The following SPAG16 variants were observed in gnomAD, a reference collection of about 807,000 sequenced individuals.
The protein encoded by SPAG16 is sperm-associated antigen 16 protein.
Under a neutral mutation model 80.4 loss-of-function variants are expected in SPAG16, and 86 were observed. The observed-to-expected ratio is 1.07, with a 90% CI of 0.90 to 1.28. The LOEUF (loss-of-function observed/expected upper bound fraction) is 1.28, where lower values mean the gene tolerates loss of function less well. Among genes scored for constraint, SPAG16 ranks in the 50% most tolerant of loss-of-function variants. The pLI, the probability that SPAG16 is intolerant of heterozygous loss-of-function variation, is 0.00. For missense variants in SPAG16, 870 were observed against 765.3 expected (o/e 1.14, Z -1.61); for synonymous variants, 294 against 265.9 (o/e 1.11, Z -1.03).
chr2:213,395,319 T>C (rs941485791), intron 9 of SPAG16, among the ~76,000 whole-genome samples: 1 of 152,228 alleles, frequency 6.6e-6, no homozygotes, highest in Non-Finnish European at 1.5e-5. Context: ...ACTTAAATTA[T>C]TGATTTGACT....
intron 11 of SPAG16, among the ~76,000 whole-genome samples, chr2:213,869,264 A>ATAT (rs1553648743): frequency 0.025 from 1,605 of 63,570 alleles, 42 homozygotes; most frequent in African/African-American, 0.041. Context: ...AAAAAAAAAA[A>ATAT]ATATATATAT....
At position 214,410,135 on chromosome 2, in the gene SPAG16, C is replaced by A; in HGVS notation, c.1721-5C>A. On this transcript the variant is annotated splice_polypyrimidine_tract_variant and splice_region_variant and intron_variant, in intron 15 of 15. Transcript: ENST00000331683. ...CTCTCTCTCTCTCCTCTCTGTCTCCCTCAGGTCGAGTTTTAGCTCAGGCAA... is the reference window on the plus strand; with the variant it reads ...CTCTCTCTCTCTCCTCTCTGTCTCCATCAGGTCGAGTTTTAGCTCAGGCAA... 1 of 1,613,598 alleles carries A rather than the reference C, an allele frequency of 6.2e-7. No homozygotes were observed. Among genetic ancestry groups the A allele is most frequent in the Non-Finnish European group, 8.5e-7 (1 of 1,179,534 alleles).
intron 9 of SPAG16, among the ~76,000 whole-genome samples, chr2:213,401,005 T>A (rs2068280947): frequency 6.6e-6 from 1 of 152,080 alleles, no homozygotes; most frequent in African/African-American, 2.4e-5. Context: ...GATAGAGTTT[T>A]GTCATGTTGC....
At chr2:213,324,553 G>A (rs1385440441) in intron 5 of SPAG16, among the ~76,000 whole-genome samples, 3 of 152,054 alleles carry the variant, frequency 2.0e-5, no homozygotes, top group Non-Finnish European at 1.5e-5. Context: ...CATAAAGTCT[G>A]TACAATGTAT....
chr2:213,506,343 T>A (rs1441107417), intron 10 of SPAG16, among the ~76,000 whole-genome samples: 1 of 152,178 alleles, frequency 6.6e-6, no homozygotes, highest in Non-Finnish European at 1.5e-5. Flanking sequence ...GAATATTCCA[T>A]TAATCATTGT....
intron 10 of SPAG16, among the ~76,000 whole-genome samples, chr2:213,768,161 G>A (rs1292674869): frequency 6.6e-6 from 1 of 152,134 alleles, no homozygotes; most frequent in East Asian, 1.9e-4. Context: ...GGTGTACTCT[G>A]GGGTCTAAAC....
chr2:213,855,603 A>G (rs2075118021), intron 10 of SPAG16, among the ~76,000 whole-genome samples: 1 of 152,202 alleles, frequency 6.6e-6, no homozygotes, highest in Non-Finnish European at 1.5e-5. Context: ...TTTATGAAGA[A>G]AAGAGATTTA....
At chr2:213,775,713 G>C (rs1021319909) in intron 10 of SPAG16, among the ~76,000 whole-genome samples, 4 of 152,174 alleles carry the variant, frequency 2.6e-5, no homozygotes, top group African/African-American at 4.8e-5. Context: ...TCATATAAGT[G>C]TTATAACATA....
intron 1 of SPAG16, among the ~76,000 whole-genome samples, chr2:213,285,237 C>T (rs2062011571): frequency 6.6e-6 from 1 of 152,032 alleles, no homozygotes. Flanking sequence ...ATCTGGTGAG[C>T]TACACAGCTC....
chr2:214,348,335 G>A (rs1698190230), intron 15 of SPAG16, among the ~76,000 whole-genome samples: 1 of 152,162 alleles, frequency 6.6e-6, no homozygotes, highest in Non-Finnish European at 1.5e-5. Flanking sequence ...AAAATGATTT[G>A]CGACCAGAGG....
intron 9 of SPAG16, among the ~76,000 whole-genome samples, chr2:213,474,977 TG>T (rs1473476819): frequency 6.6e-6 from 1 of 152,218 alleles, no homozygotes; most frequent in East Asian, 1.9e-4. Context: ...ATGTCATCAT[TG>T]GGGTCCCATT....
intron 15 of SPAG16, among the ~76,000 whole-genome samples, chr2:214,369,726 C>T (rs1220561229): frequency 1.3e-5 from 2 of 152,004 alleles, no homozygotes; most frequent in African/African-American, 4.8e-5. Context: ...TCTTTCCACA[C>T]TTATTTAGAT....
chr2:213,736,849 C>A (rs895321988), intron 10 of SPAG16, among the ~76,000 whole-genome samples: 1 of 151,744 alleles, frequency 6.6e-6, no homozygotes, highest in African/African-American at 2.4e-5. Flanking sequence ...GGATTACAGG[C>A]GCGCACCACC....
chr2:214,100,308 C>A (rs552312450), intron 13 of SPAG16, among the ~76,000 whole-genome samples: 1 of 151,974 alleles, frequency 6.6e-6, no homozygotes, highest in East Asian at 1.9e-4. Flanking sequence ...TGGACTAATA[C>A]AATCACTAAT....
chr2:214,045,404 G>A (rs1453008531), intron 13 of SPAG16, among the ~76,000 whole-genome samples: 3 of 152,150 alleles, frequency 2.0e-5, no homozygotes, highest in Non-Finnish European at 2.9e-5. Flanking sequence ...CAGGTTGTAT[G>A]CCATTGGCCT....
chr2:213,337,559 G>A (rs547368652), intron 5 of SPAG16, among the ~76,000 whole-genome samples: 15 of 152,226 alleles, frequency 9.9e-5, no homozygotes, highest in East Asian at 7.7e-4. Flanking sequence ...AACACAACAC[G>A]AGAACTTCAC....
At chr2:213,841,455 G>A (rs114409830) in intron 10 of SPAG16, among the ~76,000 whole-genome samples, 3 of 152,160 alleles carry the variant, frequency 2.0e-5, no homozygotes, top group Non-Finnish European at 2.9e-5. Flanking sequence ...CTCTAACTTA[G>A]TAGAATGAGT....
chr2:213,746,388 C>T (rs1354446439), intron 10 of SPAG16, among the ~76,000 whole-genome samples: 1 of 152,168 alleles, frequency 6.6e-6, no homozygotes, highest in Non-Finnish European at 1.5e-5. Context: ...AAGATTATAA[C>T]AGAGCTGAAA....
chr2:213,708,304 A>C (rs557483493), intron 10 of SPAG16, among the ~76,000 whole-genome samples: 60 of 152,342 alleles, frequency 3.9e-4, no homozygotes, highest in African/African-American at 1.3e-3. Flanking sequence ...CCAGATCACT[A>C]TTGACAATAA....
Sources: allele counts gnomAD v4.1 joint callset (sites outside exome capture counted in the v4.1 genomes callset), GRCh38; gene constraint gnomAD v4.1.1; transcripts MANE v1.5; gene names NCBI Gene and HGNC (gene_info 2026-07-23, HGNC 2026-07-21).